Variants in SUMF1 observed in about 807,000 individuals in gnomAD.
SUMF1 encodes the protein sulfatase modifying factor 1.
SUMF1 carries 48 observed loss-of-function variants against 47.6 expected under a neutral mutation model. That is an observed-to-expected ratio of 1.01 (90% CI 0.80 to 1.28). The LOEUF (loss-of-function observed/expected upper bound fraction) is 1.28. Ranked by LOEUF, SUMF1 falls within the 50% of genes most tolerant of loss-of-function variation. The pLI is 0.00. For synonymous variants in SUMF1, 230 were observed against 192.1 expected, an observed-to-expected ratio of 1.20 and a Z score of -1.63; for missense variants, 571 against 485.4, an observed-to-expected ratio of 1.18 and a Z score of -1.66.
chr3:4,137,063 G>A (rs1477173732), intron 8 of SUMF1, among the ~76,000 whole-genome samples: 2 of 152,026 alleles, frequency 1.3e-5, no homozygotes, highest in African/African-American at 2.4e-5. Context: ...AGACAGTGTG[G>A]CGATTCCTCA....
intron 2 of SUMF1, among the ~76,000 whole-genome samples, chr3:4,450,503 A>G (rs1702933301): frequency 6.6e-6 from 1 of 152,034 alleles, no homozygotes; most frequent in African/African-American, 2.4e-5. Flanking sequence ...ATGACTAACT[A>G]CCTAAGCCAT....
intron 7 of SUMF1, among the ~76,000 whole-genome samples, chr3:4,383,241 T>C (rs887111879): frequency 6.6e-6 from 1 of 152,144 alleles, no homozygotes; most frequent in Non-Finnish European, 1.5e-5. Flanking sequence ...TAGCCAGTCG[T>C]GGTGGTACAC....
At chr3:4,303,329 C>T (rs1424022217) in intron 8 of SUMF1, 3 of 1,500,866 alleles carry the variant, frequency 2.0e-6, no homozygotes, top group Non-Finnish European at 2.7e-6. Context: ...CACCGCGCGG[C>T]CCAGGACTGT....
chr3:4,325,561 G>A (rs903391080), intron 8 of SUMF1, among the ~76,000 whole-genome samples: 1 of 142,032 alleles, frequency 7.0e-6, no homozygotes, highest in East Asian at 2.0e-4. Flanking sequence ...GTGTCTGTGT[G>A]TGTATATATA....
chr3:4,322,295 T>G (rs182144740), intron 8 of SUMF1, among the ~76,000 whole-genome samples: 1 of 152,214 alleles, frequency 6.6e-6, no homozygotes, highest in East Asian at 1.9e-4. Context: ...TATCATAATG[T>G]AATGATATGT....
intron 8 of SUMF1, among the ~76,000 whole-genome samples, chr3:4,269,565 G>A (rs1319144068): frequency 6.6e-6 from 1 of 152,190 alleles, no homozygotes; most frequent in Non-Finnish European, 1.5e-5. Flanking sequence ...GGTATTTGCA[G>A]AAGATAAGGC....
At chr3:4,091,282 C>G (rs1692781109) in intron 8 of SUMF1, among the ~76,000 whole-genome samples, 1 of 152,036 alleles carries the variant, frequency 6.6e-6, no homozygotes, top group Non-Finnish European at 1.5e-5. Context: ...ACTGTGGTAT[C>G]TTCCCAAAAG....
chr3:4,387,415 T>G (rs916630938), intron 7 of SUMF1, among the ~76,000 whole-genome samples: 4 of 152,046 alleles, frequency 2.6e-5, no homozygotes, highest in Non-Finnish European at 4.4e-5. Context: ...ATTATCCTTT[T>G]GATGTCTACA....
At chr3:4,212,770 A>G (rs542731995) in intron 8 of SUMF1, among the ~76,000 whole-genome samples, 1 of 152,342 alleles carries the variant, frequency 6.6e-6, no homozygotes, top group East Asian at 1.9e-4. Flanking sequence ...AGCATACACA[A>G]GTATCAATAG....
intron 8 of SUMF1, among the ~76,000 whole-genome samples, chr3:4,296,194 C>T (rs540931822): frequency 6.6e-6 from 1 of 151,524 alleles, no homozygotes; most frequent in Admixed American, 6.6e-5. Context: ...ATTATCCCTT[C>T]CACCAGATAG....
intron 8 of SUMF1, among the ~76,000 whole-genome samples, chr3:4,319,246 T>C (rs1407312558): frequency 6.6e-6 from 1 of 152,220 alleles, no homozygotes; most frequent in African/African-American, 2.4e-5. Flanking sequence ...CCAGCAATCA[T>C]GCTCCTGTTA....
intron 7 of SUMF1, among the ~76,000 whole-genome samples, chr3:4,385,423 C>T (rs1205132026): frequency 6.6e-6 from 1 of 152,066 alleles, no homozygotes; most frequent in East Asian, 1.9e-4. Flanking sequence ...ATCTGTGTAT[C>T]TTCTTCTGTG....
chr3:4,320,189 T>A (rs76269385), intron 8 of SUMF1, among the ~76,000 whole-genome samples: 1,938 of 152,296 alleles, frequency 0.013, 34 homozygotes, highest in African/African-American at 0.03. Flanking sequence ...GAATGCAGAC[T>A]GTGACAAGAG....
intron 1 of SUMF1, among the ~76,000 whole-genome samples, chr3:4,461,498 C>A (rs529794154): frequency 6.6e-6 from 1 of 152,332 alleles, no homozygotes; most frequent in South Asian, 2.1e-4. Flanking sequence ...CTCAAAGGAC[C>A]ACAGGAAGCT....
intron 8 of SUMF1, among the ~76,000 whole-genome samples, chr3:4,098,797 A>G (rs1003202622): frequency 1.3e-5 from 2 of 152,194 alleles, no homozygotes; most frequent in Non-Finnish European, 2.9e-5. Flanking sequence ...AAAGTTAAAG[A>G]TTAAAACTGC....
At chr3:4,070,868 T>C (rs1695505364) in intron 8 of SUMF1, among the ~76,000 whole-genome samples, 1 of 152,034 alleles carries the variant, frequency 6.6e-6, no homozygotes, top group Non-Finnish European at 1.5e-5. Flanking sequence ...CTTGACCTCA[T>C]GATCCACCCA....
chr3:4,175,556 A>C (rs576664494), intron 8 of SUMF1, among the ~76,000 whole-genome samples: 1 of 152,304 alleles, frequency 6.6e-6, no homozygotes, highest in African/African-American at 2.4e-5. Context: ...CAAAGACCAA[A>C]GGTAGATAAA....
At chr3:4,127,431 G>C (rs772812451) in intron 8 of SUMF1, among the ~76,000 whole-genome samples, 2 of 152,094 alleles carry the variant, frequency 1.3e-5, no homozygotes, top group Non-Finnish European at 2.9e-5. Context: ...CCCTTAATTT[G>C]GGCAGGCACA....
At chr3:4,247,507 A>T (rs1366071940) in intron 8 of SUMF1, among the ~76,000 whole-genome samples, 1 of 152,210 alleles carries the variant, frequency 6.6e-6, no homozygotes, top group African/African-American at 2.4e-5. Flanking sequence ...AGGAAATCTG[A>T]TTATAACCTA....
Sources: allele counts gnomAD v4.1 joint callset (sites outside exome capture counted in the v4.1 genomes callset), GRCh38; gene constraint gnomAD v4.1.1; transcripts MANE v1.5; gene names NCBI Gene and HGNC (gene_info 2026-07-23, HGNC 2026-07-21).